JAML: variants seen among roughly 807,000 people sequenced by gnomAD.
JAML encodes junctional adhesion molecule-like.
JAML carries 25 observed loss-of-function variants against 39.3 expected under a neutral mutation model. The ratio of observed to expected loss-of-function variants is 0.64; its 90% CI spans 0.46 to 0.89. JAML has a LOEUF of 0.89. Among genes scored for constraint, JAML ranks in the 40% least tolerant of loss-of-function variants. The pLI is 0.00. For synonymous variants in JAML, 162 were observed against 179.2 expected (o/e 0.90, Z 0.77); for missense variants, 440 against 486.9 (o/e 0.90, Z 0.91).
intron 4 of JAML, chr11:118,209,046 G>A: frequency 4.1e-6 from 1 of 243,022 alleles, no homozygotes; most frequent in Non-Finnish European, 8.6e-6. Context: ...TTTATCTCCA[G>A]CTTTTGGGCT....
At chr11:118,198,399 G>T (rs1264704631) in intron 7 of JAML, among the ~76,000 whole-genome samples, 1 of 152,184 alleles carries the variant, frequency 6.6e-6, no homozygotes, top group East Asian at 1.9e-4. Context: ...GAGAGAGAGG[G>T]GAGATGGGAT....
chr11:118,207,083 ATAT>A, intron 4 of JAML, among the ~76,000 whole-genome samples: 1 of 152,352 alleles, frequency 6.6e-6, no homozygotes, highest in Non-Finnish European at 1.5e-5. Context: ...GCAAAAGAAA[ATAT>A]TATGAACTCT....
At chr11:118,199,066 G>A (rs1948721299) in intron 7 of JAML, among the ~76,000 whole-genome samples, 1 of 152,188 alleles carries the variant, frequency 6.6e-6, no homozygotes, top group Admixed American at 6.5e-5. Flanking sequence ...ATCTTTCCAT[G>A]TCATTATGTA....
intron 5 of JAML, 109 bp downstream of exon 5, chr11:118,205,773 C>T (rs1355909180): frequency 2.0e-6 from 2 of 983,752 alleles, no homozygotes; most frequent in Non-Finnish European, 3.2e-6. Context: ...TTCTGATAAG[C>T]ACCAAAGCCC....
rs1450645137 is a variant in JAML, at chr11:118,196,751, G to A, written c.1076C>T (p.Ala359Val). Residue 359 changes from alanine (A) to valine (V), a missense_variant, in exon 9 of 10, where the codon GCC becomes GTC. Physicochemically the swap from Ala to Val is moderately conservative, Grantham distance 64. Coordinates refer to ENST00000356289, the MANE Select transcript of JAML (RefSeq NM_001098526.2). ...CATTCTCACCATGGTCATGTAGGTGGCCTCTGATTTTTCACTTGGTTCTTC... is the reference window on the plus strand; with the variant it reads ...CATTCTCACCATGGTCATGTAGGTGACCTCTGATTTTTCACTTGGTTCTTC... ...EEEEPSEKSE[A>V]TYMTMHPVWP... 3 of 1,610,764 alleles carry A rather than the reference G, an allele frequency of 1.9e-6. No individual in the cohort carries two copies. The highest frequency in any genetic ancestry group is 2.5e-6 in the Non-Finnish European group (3 of 1,177,152).
At chr11:118,224,223 G>A (rs1056115942) in intron 1 of JAML, 13 of 152,176 alleles carry the variant, frequency 8.5e-5, no homozygotes, top group African/African-American at 2.9e-4. Flanking sequence ...TGCTCTACGC[G>A]AATGGGACCC....
At position 118,205,977 on chromosome 11, in the gene JAML, C is replaced by A. The variant is rs866366473; in HGVS notation, c.439G>T (p.Val147Leu). The change falls in exon 5 of 10, where the codon GTG (valine) becomes TTG (leucine). Residue 147 changes from valine to leucine, a missense_variant. Coordinates refer to ENST00000356289, the MANE Select transcript of JAML (RefSeq NM_001098526.2). Reference protein sequence around the residue: ...PEEPKELMVHVGGLIQMGCVF... With the variant: ...PEEPKELMVHLGGLIQMGCVF... ...CATCCCATCTGAATCAATCCACCCA[C>A]ATGGACCATGAGCTCTGAGGATAAA... The A allele has an allele frequency of 6.2e-7, 1 of 1,613,778 alleles. No homozygotes were observed. The highest frequency in any genetic ancestry group is 1.1e-5 in the South Asian group (1 of 91,072).
intron 5 of JAML, 97 bp from the exon 6 acceptor site, chr11:118,203,762 C>T (rs1948863268): frequency 1.0e-6 from 1 of 993,374 alleles, no homozygotes; most frequent in African/African-American, 1.6e-5. Context: ...CTCCAAGGCC[C>T]TGCTAGGTGA....
intron 7 of JAML, among the ~76,000 whole-genome samples, chr11:118,198,838 C>T (rs1161054650): frequency 6.6e-6 from 1 of 152,086 alleles, no homozygotes; most frequent in African/African-American, 2.4e-5. Flanking sequence ...GTGGAAGTTC[C>T]CTGCAACCCG....
intron 1 of JAML, among the ~76,000 whole-genome samples, chr11:118,218,961 T>C (rs991644744): frequency 5.3e-5 from 8 of 152,324 alleles, no homozygotes; most frequent in African/African-American, 1.7e-4. Context: ...TAGTAAGTTA[T>C]CTCATCTGTT....
chr11:118,213,400 G>A (rs1032786649), intron 2 of JAML: 2 of 938,648 alleles, frequency 2.1e-6, no homozygotes, highest in Non-Finnish European at 2.5e-6. Context: ...CATCCAAGCT[G>A]TTTCCCTGAG....
chr11:118,200,504 A>G lies in JAML; in HGVS notation c.881T>C (p.Leu294Ser), dbSNP rs1011775723. ...ATTTCCACAGGTCTTCTTCACGATC[A>G]ATATCAGAACAGGGAGCAGCAGGAT... Reference protein sequence around the residue: ...ATILLLPVLILIVKKTCGNKS... With the variant: ...ATILLLPVLISIVKKTCGNKS... The change falls in exon 7 of 10, where the codon TTG (leucine) becomes TCG (serine). Residue 294 changes from leucine (L) to serine (S), a missense_variant. By Grantham distance (145) the Leu-to-Ser change is moderately radical. Coordinates refer to ENST00000356289, the MANE Select transcript of JAML (RefSeq NM_001098526.2). 6.2e-7 allele frequency: 1 copy of G among 1,614,134 alleles called. No individual in the cohort carries two copies. The highest frequency in any genetic ancestry group is 8.5e-7 in the Non-Finnish European group (1 of 1,180,018).
intron 1 of JAML, among the ~76,000 whole-genome samples, chr11:118,215,645 C>T (rs566656548): frequency 7.8e-4 from 118 of 151,832 alleles, no homozygotes; most frequent in African/African-American, 2.6e-3. Context: ...CTGCACCTGG[C>T]CCATGGTGCA....
rs769026270 is a variant in JAML at position 118,206,005 on chromosome 11, A to G, written c.425-14T>C. The G allele has an allele frequency of 6.3e-7, 1 of 1,590,464 alleles. No homozygotes were observed. The highest frequency in any genetic ancestry group is 8.6e-7 in the Non-Finnish European group (1 of 1,158,452). ...GGACCATGAGCTCTGAGGATAAAACAGTAAATCAAGTCAGACTCAAGTTAT... is the reference window on the plus strand; with the variant it reads ...GGACCATGAGCTCTGAGGATAAAACGGTAAATCAAGTCAGACTCAAGTTAT... On this transcript the variant is annotated splice_polypyrimidine_tract_variant and intron_variant, in intron 4 of 9. Coordinates refer to ENST00000356289, the MANE Select transcript of JAML (RefSeq NM_001098526.2).
intron 5 of JAML, chr11:118,205,049 G>T (rs1476435389): frequency 6.6e-6 from 1 of 152,100 alleles, no homozygotes; most frequent in East Asian, 1.9e-4. Flanking sequence ...TAAATGTATG[G>T]CAAGCTCTCA....
chr11:118,219,354 G>A (rs1333039105), intron 1 of JAML, among the ~76,000 whole-genome samples: 1 of 152,200 alleles, frequency 6.6e-6, no homozygotes, highest in Non-Finnish European at 1.5e-5. Context: ...CCACTATGGA[G>A]AACAGTATGT....
chr11:118,213,882 A>G (rs1390125851), intron 2 of JAML, among the ~76,000 whole-genome samples: 1 of 152,180 alleles, frequency 6.6e-6, no homozygotes, highest in Non-Finnish European at 1.5e-5. Context: ...AAATGTCTAA[A>G]TACCTTCTGA....
Position 118,200,510 on chromosome 11 carries a change from A to G in JAML, c.875T>C (p.Leu292Pro), listed in dbSNP as rs755595161. 6.2e-7 allele frequency: 1 copy of G among 1,614,036 alleles called. No individual in the cohort carries two copies. Among genetic ancestry groups the G allele is most frequent in the African/African-American group, 1.3e-5 (1 of 74,904 alleles). The change falls in exon 7 of 10, where the codon CTG becomes CCG. Residue 292 changes from leucine (L) to proline (P), a missense_variant. Coordinates refer to ENST00000356289, the MANE Select transcript of JAML (RefSeq NM_001098526.2). Reference protein sequence around the residue: ...VCATILLLPVLILIVKKTCGN... With the variant: ...VCATILLLPVPILIVKKTCGN... ...ACAGGTCTTCTTCACGATCAATATCAGAACAGGGAGCAGCAGGATTGTGGC... is the reference window on the plus strand; with the variant it reads ...ACAGGTCTTCTTCACGATCAATATCGGAACAGGGAGCAGCAGGATTGTGGC...
Position 118,205,997 on chromosome 11 carries a change from G to A in JAML, c.425-6C>T, listed in dbSNP as rs1420860423. 15 of 1,604,412 alleles carry A rather than the reference G, an allele frequency of 9.3e-6. No individual in the cohort carries two copies. The highest frequency in any genetic ancestry group is 1.3e-5 in the Non-Finnish European group (15 of 1,171,268). ...ACCCACATGGACCATGAGCTCTGAG[G>A]ATAAAACAGTAAATCAAGTCAGACT... is the stretch of plus-strand genomic sequence containing the variant. On this transcript the variant is annotated splice_region_variant and splice_polypyrimidine_tract_variant and intron_variant, in intron 4 of 9. Coordinates refer to ENST00000356289, the MANE Select transcript of JAML (RefSeq NM_001098526.2).
Sources: allele counts gnomAD v4.1 joint callset (sites outside exome capture counted in the v4.1 genomes callset), GRCh38; gene constraint gnomAD v4.1.1; transcripts MANE v1.5; gene names NCBI Gene and HGNC (gene_info 2026-07-23, HGNC 2026-07-21).